NLRP9: variants seen among roughly 807,000 people sequenced by gnomAD.
The protein encoded by NLRP9 is NLR family pyrin domain containing 9, also known as NACHT, LRR and PYD domains-containing protein 9.
A neutral mutation model predicts 83.1 loss-of-function variants in NLRP9; 88 were observed. The observed-to-expected ratio is 1.06, with a 90% CI of 0.89 to 1.26. NLRP9 has a LOEUF of 1.26. Ranked by LOEUF, NLRP9 falls within the 50% of genes most tolerant of loss-of-function variation. The pLI is 0.00. For missense variants in NLRP9, 1,308 were observed against 1,179.3 expected, an observed-to-expected ratio of 1.11 and a Z score of -1.60; for synonymous variants, 521 against 447.6, an observed-to-expected ratio of 1.16 and a Z score of -2.07.
At chr19:55,726,154 C>T (rs1003608607) in intron 3 of NLRP9, among the ~76,000 whole-genome samples, 9 of 152,234 alleles carry the variant, frequency 5.9e-5, no homozygotes, top group Admixed American at 2.0e-4. Flanking sequence ...ATGAAAGCAC[C>T]GGGATTGGTT....
At chr19:55,729,635 T>C (rs761513565) in intron 3 of NLRP9, among the ~76,000 whole-genome samples, 196 bp downstream of exon 3, 6 of 152,068 alleles carry the variant, frequency 3.9e-5, no homozygotes, top group African/African-American at 7.3e-5. Flanking sequence ...CAGTCTATCA[T>C]TGATGGACAT....
At chr19:55,719,079 G>A (rs902557358) in intron 4 of NLRP9, among the ~76,000 whole-genome samples, 7 of 152,242 alleles carry the variant, frequency 4.6e-5, no homozygotes, top group African/African-American at 1.7e-4. Context: ...GACTTCAGAT[G>A]CCAGTTGCAA....
intron 2 of NLRP9, among the ~76,000 whole-genome samples, chr19:55,730,589 A>T (rs576669901): frequency 6.6e-6 from 1 of 152,226 alleles, no homozygotes; most frequent in Admixed American, 6.5e-5. Context: ...GAAAAGGAAC[A>T]AGATAATGTC....
chr19:55,716,905 G>C lies in NLRP9; in HGVS notation c.2160-7C>G, dbSNP rs764309930. ...GATGTCACACTTTCCCAGTCTACAT[G>C]TGAAACACACACCATGAGACGGACC... On this transcript the variant is annotated splice_polypyrimidine_tract_variant and splice_region_variant and intron_variant, in intron 4 of 8. Transcript: ENST00000332836. 6.2e-7 allele frequency: 1 copy of C among 1,612,524 alleles called. No homozygotes were observed. Among genetic ancestry groups the C allele is most frequent in the Admixed American group, 1.7e-5 (1 of 59,956 alleles).
At chr19:55,712,728 G>A (rs1987790507) in intron 6 of NLRP9, 138 bp from the exon 7 acceptor site, 3 of 643,074 alleles carry the variant, frequency 4.7e-6, no homozygotes, top group South Asian at 3.8e-5. Context: ...AGGGGAAGGA[G>A]GAGAGAAGAA....
chr19:55,734,553 GCA>G (rs980819642), intron 1 of NLRP9, among the ~76,000 whole-genome samples: 3 of 138,442 alleles, frequency 2.2e-5, no homozygotes, highest in East Asian at 2.1e-4. Flanking sequence ...ACATATATAC[GCA>G]CACACATATA....
intron 2 of NLRP9, 125 bp downstream of exon 2, chr19:55,731,874 A>G (rs978344729): frequency 1.6e-6 from 1 of 609,820 alleles, no homozygotes; most frequent in Non-Finnish European, 2.9e-6. Context: ...CTCGAAAGGA[A>G]GGCTTTCTGA....
chr19:55,728,504 G>A (rs959935033), intron 3 of NLRP9, among the ~76,000 whole-genome samples: 1 of 151,938 alleles, frequency 6.6e-6, no homozygotes, highest in African/African-American at 2.4e-5. Flanking sequence ...CCCGGGAGGT[G>A]GAGGTTGCGG....
At chr19:55,716,035 T>C (rs1173356383) in intron 5 of NLRP9, among the ~76,000 whole-genome samples, 2 of 152,210 alleles carry the variant, frequency 1.3e-5, no homozygotes, top group Admixed American at 1.3e-4. Flanking sequence ...CAGTCAACAT[T>C]TTACTATGGA....
intron 3 of NLRP9, among the ~76,000 whole-genome samples, chr19:55,724,416 C>A (rs1023728717): frequency 6.6e-6 from 1 of 152,014 alleles, no homozygotes; most frequent in Admixed American, 6.6e-5. Context: ...CAGCCGAATC[C>A]CATGTTAAAC....
chr19:55,710,176 T>A (rs961679474), intron 8 of NLRP9, among the ~76,000 whole-genome samples: 2 of 152,102 alleles, frequency 1.3e-5, no homozygotes, highest in African/African-American at 4.8e-5. Flanking sequence ...GGAGATGACA[T>A]GTTTTGGGTG....
chr19:55,710,673 T>A (rs1266934278), intron 8 of NLRP9, among the ~76,000 whole-genome samples: 1 of 152,220 alleles, frequency 6.6e-6, no homozygotes, highest in Non-Finnish European at 1.5e-5. Flanking sequence ...ACGTGCCTAT[T>A]TCTGCTTCAC....
intron 3 of NLRP9, among the ~76,000 whole-genome samples, chr19:55,728,695 G>T (rs1988472815): frequency 6.6e-6 from 1 of 152,180 alleles, no homozygotes; most frequent in Admixed American, 6.5e-5. Context: ...ACTTTTTTCT[G>T]CACAAATATG....
rs368820790 is a variant in NLRP9, at chr19:55,715,174, G to A, written c.2382C>T (p.Val794=). 7 of 1,613,266 alleles carry A rather than the reference G, an allele frequency of 4.3e-6. No homozygotes were observed. The African/African-American group carries it at 8.0e-5, about 18-fold the overall frequency. ...TSVSCDSISE[V]LLCSKSLSLL... is the part of the protein sequence containing the mutation. ...GGGACAGGGACTTACTGCACAAGAG[G>A]ACTTCGGAAATGGAGTCACAGGAGA... Residue 794 remains valine (V), a synonymous_variant, in exon 6 of 9, where the codon GTC becomes GTT. Coordinates refer to ENST00000332836, the MANE Select transcript of NLRP9 (RefSeq NM_176820.4).
chr19:55,725,424 T>C (rs1444521103), intron 3 of NLRP9, among the ~76,000 whole-genome samples: 1 of 152,172 alleles, frequency 6.6e-6, no homozygotes. Context: ...CTAGTCAACT[T>C]TAAGAAATGA....
intron 3 of NLRP9, among the ~76,000 whole-genome samples, chr19:55,729,048 TTC>T (rs1342426270): frequency 0.027 from 3,087 of 116,450 alleles, 47 homozygotes; most frequent in Non-Finnish European, 0.031. Flanking sequence ...ATTTTTCTTT[TTC>T]TTTTTTTTTT....
chr19:55,731,345 GACA>G (rs1216393390), intron 2 of NLRP9, among the ~76,000 whole-genome samples: 1 of 147,820 alleles, frequency 6.8e-6, no homozygotes, highest in Non-Finnish European at 1.5e-5. Flanking sequence ...AGCACAGTCT[GACA>G]ACAATAAAAA....
In NLRP9 at chr19:55,715,169, A is replaced by G; in HGVS notation, c.2387T>C (p.Leu796Ser). 1 of 1,613,382 alleles carries G rather than the reference A, an allele frequency of 6.2e-7. No homozygotes were observed. The highest frequency in any genetic ancestry group is 8.5e-7 in the Non-Finnish European group (1 of 1,179,870). ...VSCDSISEVLLCSKSLSLLDL... is the reference protein window; with the variant it reads ...VSCDSISEVLSCSKSLSLLDL... ...GAGGAGGGACAGGGACTTACTGCACAAGAGGACTTCGGAAATGGAGTCACA... is the reference window on the plus strand; with the variant it reads ...GAGGAGGGACAGGGACTTACTGCACGAGAGGACTTCGGAAATGGAGTCACA... The change falls in exon 6 of 9, where the codon TTG (leucine) becomes TCG (serine). Residue 796 changes from leucine (L) to serine (S), a missense_variant. Transcript: ENST00000332836.
Position 55,729,883 on chromosome 19 carries a change from C to A in NLRP9, c.1942G>T (p.Ala648Ser), listed in dbSNP as rs765211460. The A allele has an allele frequency of 6.2e-7, 1 of 1,613,756 alleles. No homozygotes were observed. Among genetic ancestry groups the A allele is most frequent in the East Asian group, 2.2e-5 (1 of 44,886 alleles). Residue 648 changes from alanine to serine, a missense_variant, in exon 3 of 9, where the codon GCG becomes TCG. Transcript: ENST00000332836. ...ENTSLDDPSL[A>S]ILCKALAQPV... Reference sequence around the variant, plus strand: ...TGAGCCAGCGCTTTGCAAAGAATCGCCAGGGAGGGATCATCGAGGCTGGTA... The same window carrying A: ...TGAGCCAGCGCTTTGCAAAGAATCGACAGGGAGGGATCATCGAGGCTGGTA...
Sources: allele counts gnomAD v4.1 joint callset (sites outside exome capture counted in the v4.1 genomes callset), GRCh38; gene constraint gnomAD v4.1.1; transcripts MANE v1.5; gene names NCBI Gene and HGNC (gene_info 2026-07-23, HGNC 2026-07-21).